SLC67A1: variants seen among roughly 807,000 people sequenced by gnomAD.
SLC67A1 encodes solute carrier family 67 member A1.
At chr11:2,919,457 G>A in the SLC67A1 span, 2 of 1,352,552 alleles carry the variant, frequency 1.5e-6, no homozygotes, top group Non-Finnish European at 2.1e-6. Context: ...GGTCTCCAGT[G>A]GGGCAGGCCT....
the SLC67A1 span, among the ~76,000 whole-genome samples, chr11:2,923,093 C>T: frequency 3.9e-5 from 6 of 152,206 alleles, no homozygotes; most frequent in East Asian, 1.9e-4. This position sits in a 1 kb window ranked among gnomAD's most constrained non-coding sequence, Gnocchi z 6.5. Context: ...CGAAGAGAGC[C>T]GCTCATGCAG....
At chr11:2,922,216 C>T in the SLC67A1 span, 75 of 1,606,186 alleles carry the variant, frequency 4.7e-5, no homozygotes, top group Middle Eastern at 3.3e-4. Context: ...GAGGGCTCCC[C>T]GCTTTGGGCC....
At chr11:2,903,310 G>A in the SLC67A1 span, 1 of 1,600,148 alleles carries the variant, frequency 6.2e-7, no homozygotes, top group Non-Finnish European at 8.5e-7. Context: ...CTCCTGCTTG[G>A]ATCTCTCCTG....
At chr11:2,908,226 G>A in the SLC67A1 span, 2 of 1,611,978 alleles carry the variant, frequency 1.2e-6, no homozygotes, top group Non-Finnish European at 8.5e-7. Flanking sequence ...TCCCTCCTGT[G>A]TTTCAGTACC....
the SLC67A1 span, chr11:2,902,769 C>G: frequency 6.1e-6 from 6 of 983,444 alleles, no homozygotes; most frequent in Non-Finnish European, 7.2e-6. Context: ...GTCTCCCCTA[C>G]GCAAGACCAT....
the SLC67A1 span, chr11:2,909,131 C>G: frequency 7.1e-7 from 1 of 1,412,566 alleles, no homozygotes; most frequent in Non-Finnish European, 9.3e-7. Context: ...CTGGGCAGCC[C>G]CTGGACGGGG....
the SLC67A1 span, chr11:2,919,345 T>G: frequency 6.2e-7 from 1 of 1,613,976 alleles, no homozygotes; most frequent in Non-Finnish European, 8.5e-7. Context: ...CTCCATGGAC[T>G]TCTTCCAGCT....
chr11:2,924,538 C>G, the SLC67A1 span, among the ~76,000 whole-genome samples: 1 of 152,174 alleles, frequency 6.6e-6, no homozygotes, highest in Non-Finnish European at 1.5e-5. The surrounding 1 kb of genome is among the most constrained non-coding windows in gnomAD (Gnocchi z 8.6). Flanking sequence ...GGGAAAGAGC[C>G]GTGAGAGCCA....
the SLC67A1 span, among the ~76,000 whole-genome samples, chr11:2,905,378 C>A: frequency 6.6e-6 from 1 of 152,192 alleles, no homozygotes; most frequent in African/African-American, 2.4e-5. Context: ...AAGCGGACCA[C>A]TGGAGGCAGC....
chr11:2,910,413 G>A, the SLC67A1 span, among the ~76,000 whole-genome samples: 5 of 152,190 alleles, frequency 3.3e-5, no homozygotes, highest in African/African-American at 4.8e-5. Flanking sequence ...GGGCTCGATG[G>A]ATGGGATCAC....
the SLC67A1 span, among the ~76,000 whole-genome samples, chr11:2,908,808 G>C: frequency 9.8e-5 from 15 of 152,302 alleles, no homozygotes; most frequent in African/African-American, 3.6e-4. Flanking sequence ...GACCAGCAGC[G>C]ATCTCTGGGA....
chr11:2,900,930 C>T, the SLC67A1 span, among the ~76,000 whole-genome samples: 1 of 152,124 alleles, frequency 6.6e-6, no homozygotes, highest in Non-Finnish European at 1.5e-5. Context: ...GGGTCTTATG[C>T]CCTACAGTCA....
chr11:2,900,922 G>A, the SLC67A1 span, among the ~76,000 whole-genome samples: 1 of 152,144 alleles, frequency 6.6e-6, no homozygotes, highest in African/African-American at 2.4e-5. Context: ...CTGGAATGGG[G>A]TCTTATGCCC....
chr11:2,905,903 GC>G, the SLC67A1 span, among the ~76,000 whole-genome samples: 1 of 152,186 alleles, frequency 6.6e-6, no homozygotes, highest in Non-Finnish European at 1.5e-5. Context: ...TCCAGTGGGT[GC>G]CCCCACAGAA....
At chr11:2,911,251 G>A in the SLC67A1 span, among the ~76,000 whole-genome samples, 5 of 152,170 alleles carry the variant, frequency 3.3e-5, no homozygotes, top group Non-Finnish European at 5.9e-5. Flanking sequence ...GGGGGCAGAG[G>A]TGGGTCCAGG....
chr11:2,904,150 G>A, the SLC67A1 span, among the ~76,000 whole-genome samples: 1 of 152,216 alleles, frequency 6.6e-6, no homozygotes, highest in African/African-American at 2.4e-5. Flanking sequence ...CAAGTCTGGA[G>A]AGGCTTGGGA....
the SLC67A1 span, among the ~76,000 whole-genome samples, chr11:2,905,463 G>C: frequency 6.6e-6 from 1 of 152,214 alleles, no homozygotes; most frequent in Non-Finnish European, 1.5e-5. Context: ...AGTTTGCTCA[G>C]AATGAAGGTT....
chr11:2,905,522 CT>C, the SLC67A1 span, among the ~76,000 whole-genome samples: 1 of 152,310 alleles, frequency 6.6e-6, no homozygotes, highest in South Asian at 2.1e-4. Context: ...TTTTTTATGG[CT>C]GCATAGTATT....
the SLC67A1 span, among the ~76,000 whole-genome samples, chr11:2,906,165 A>G: frequency 6.6e-6 from 1 of 152,382 alleles, no homozygotes; most frequent in South Asian, 2.1e-4. Flanking sequence ...CAAAACCACA[A>G]TGAGATACCA....
Sources: gnomAD v4.1 joint callset for allele counts (sites outside exome capture counted in the v4.1 genomes callset) on GRCh38, gnomAD v4.1.1 for gene constraint, Gnocchi (gnomAD v3.1) non-coding constraint, MANE v1.5 for transcripts, NCBI Gene and HGNC (gene_info 2026-07-23, HGNC 2026-07-21) for gene names.